The following HDAC9 variants were observed in gnomAD, a reference collection of about 807,000 sequenced individuals.
HDAC9 encodes MEF-2 interacting transcription repressor (MITR) protein.
Under a neutral mutation model 139.4 loss-of-function variants are expected in HDAC9, and 41 were observed. The observed-to-expected ratio is 0.29, with a 90% confidence interval of 0.23 to 0.38. The LOEUF (loss-of-function observed/expected upper bound fraction) is 0.38, where lower values mean the gene tolerates loss of function less well. Ranked by LOEUF, HDAC9 falls within the 10% of genes least tolerant of loss-of-function variation. The pLI is 1.00. For missense variants in HDAC9, 1,147 were observed against 1,297.0 expected, an observed-to-expected ratio of 0.88 and a Z score of 1.78; for synonymous variants, 517 against 476.2, an observed-to-expected ratio of 1.09 and a Z score of -1.12.
Position 18,204,199 on chromosome 7 carries a change from C to T in HDAC9, c.25+41850C>T, listed in dbSNP as rs913258512. On this transcript the variant is annotated intron_variant, in intron 2 of 12. Transcript: ENST00000417496. Reference sequence around the variant, plus strand: ...TTAAGATATTCCATTATATTTATGACGTTATGAGATTCCTTCAGGAGTGGT... The same window carrying T: ...TTAAGATATTCCATTATATTTATGATGTTATGAGATTCCTTCAGGAGTGGT... Among the ~76,000 whole-genome samples, 9 of 151,940 alleles carry T rather than the reference C, an allele frequency of 5.9e-5. No homozygotes were observed. In the South Asian group the frequency reaches 6.2e-4, roughly 11 times the overall value.
intron 16 of HDAC9, among the ~76,000 whole-genome samples, chr7:18,786,633 CCTTCCTTTCT>C (rs1585035791): frequency 1.7e-5 from 2 of 116,996 alleles, no homozygotes; most frequent in Admixed American, 8.2e-5. Context: ...CTCCCTCCTT[CCTTCCTTTCT>C]TCCCTCCTTC....
chr7:18,274,964 C>T (rs1022003822), intron 2 of HDAC9, among the ~76,000 whole-genome samples: 8 of 152,290 alleles, frequency 5.3e-5, no homozygotes, highest in African/African-American at 1.4e-4. Context: ...GGGATGGGGG[C>T]TGTGAATGCC....
At chr7:18,770,053 A>G (rs1790157307) in intron 16 of HDAC9, among the ~76,000 whole-genome samples, 1 of 152,136 alleles carries the variant, frequency 6.6e-6, no homozygotes, top group Non-Finnish European at 1.5e-5. Flanking sequence ...TGAGGACCCT[A>G]CCTGGGACAT....
At chr7:18,243,115 A>T (rs886319207) in intron 2 of HDAC9, among the ~76,000 whole-genome samples, 3 of 152,200 alleles carry the variant, frequency 2.0e-5, no homozygotes, top group Non-Finnish European at 4.4e-5. Context: ...TATTTCATGC[A>T]TTCATTCACA....
intron 2 of HDAC9, among the ~76,000 whole-genome samples, chr7:18,200,338 A>G (rs1364535171): frequency 1.3e-5 from 2 of 152,152 alleles, no homozygotes; most frequent in East Asian, 3.9e-4. Context: ...ATAAACCTCC[A>G]TTTGGAGCCA....
At chr7:18,651,764 G>A (rs1419014123) in intron 11 of HDAC9, among the ~76,000 whole-genome samples, 1 of 151,940 alleles carries the variant, frequency 6.6e-6, no homozygotes, top group East Asian at 1.9e-4. Context: ...TCATATTTGG[G>A]ATATTTGTGG....
At chr7:18,256,801 A>G (rs1366002577) in intron 2 of HDAC9, among the ~76,000 whole-genome samples, 1 of 152,102 alleles carries the variant, frequency 6.6e-6, no homozygotes. Flanking sequence ...AAAATACATA[A>G]ATGTGGCTGG....
intron 1 of HDAC9, among the ~76,000 whole-genome samples, chr7:18,422,400 G>A (rs1562970926): frequency 6.6e-6 from 1 of 152,302 alleles, no homozygotes; most frequent in African/African-American, 2.4e-5. Context: ...ATATTGTCAG[G>A]TGAGGTAGCC....
At chr7:18,161,128 T>C (rs1787600694) in intron 1 of HDAC9, among the ~76,000 whole-genome samples, 1 of 152,216 alleles carries the variant, frequency 6.6e-6, no homozygotes, top group Admixed American at 6.5e-5. Flanking sequence ...TAAATCTTAA[T>C]ACTTATTGAG....
At chr7:18,471,022 T>TA (rs1440743606) in intron 1 of HDAC9, among the ~76,000 whole-genome samples, 1 of 152,074 alleles carries the variant, frequency 6.6e-6, no homozygotes, top group Non-Finnish European at 1.5e-5. Flanking sequence ...TTTTTTTTTA[T>TA]TTTGAACTAT....
At chr7:18,786,654 T>TCCCTCCC (rs1791821150) in intron 16 of HDAC9, among the ~76,000 whole-genome samples, 2 of 51,248 alleles carry the variant, frequency 3.9e-5, no homozygotes, top group Non-Finnish European at 1.1e-4. Flanking sequence ...TCCCTCCTTC[T>TCCCTCCC]TTCCTCCCTT....
chr7:18,457,234 C>G (rs1793424735), intron 1 of HDAC9, among the ~76,000 whole-genome samples: 1 of 152,154 alleles, frequency 6.6e-6, no homozygotes, highest in African/African-American at 2.4e-5. Context: ...GCATGCAGTT[C>G]TGCTCCCATT....
At chr7:18,685,881 A>C (rs749181074) in intron 12 of HDAC9, among the ~76,000 whole-genome samples, 13 of 151,994 alleles carry the variant, frequency 8.6e-5, no homozygotes, top group Non-Finnish European at 1.5e-4. Flanking sequence ...GCAAAATTTT[A>C]TTGTTGGTAG....
chr7:18,619,391 T>C (rs898692392), intron 6 of HDAC9, among the ~76,000 whole-genome samples: 1 of 152,204 alleles, frequency 6.6e-6, no homozygotes, highest in African/African-American at 2.4e-5. Flanking sequence ...AGCAACTGTT[T>C]ATGGAGACCC....
At chr7:18,468,105 T>C (rs2128117098) in intron 1 of HDAC9, among the ~76,000 whole-genome samples, 1 of 152,334 alleles carries the variant, frequency 6.6e-6, no homozygotes, top group South Asian at 2.1e-4. Context: ...TGATGTGAAC[T>C]TTGACCACTT....
At chr7:18,208,231 C>G (rs1238194551) in intron 2 of HDAC9, among the ~76,000 whole-genome samples, 1 of 152,076 alleles carries the variant, frequency 6.6e-6, no homozygotes, top group Non-Finnish European at 1.5e-5. Context: ...AGATGACCAC[C>G]TTTCACATTT....
chr7:18,265,630 T>TA (rs1438945692), intron 2 of HDAC9, among the ~76,000 whole-genome samples: 3 of 151,992 alleles, frequency 2.0e-5, no homozygotes, highest in African/African-American at 7.2e-5. Context: ...TTTAAATAAA[T>TA]AAATAAATAA....
At position 18,605,919 on chromosome 7, in the gene HDAC9, A is replaced by G. The variant is rs374909147; in HGVS notation, c.664+11890A>G. ...ATGGTCTCCATCTCCTGACCTTGTG[A>G]TCTGCCCACCTCGGCCTCCGAAAGT... is the stretch of plus-strand genomic sequence containing the variant. On this transcript the variant is annotated intron_variant, in intron 6 of 25. Coordinates refer to ENST00000686413, the MANE Select transcript of HDAC9 (RefSeq NM_178425.4). Among the ~76,000 whole-genome samples, 28 of 152,166 alleles carry G rather than the reference A, an allele frequency of 1.8e-4. 2 individuals carry two copies. The highest frequency in any genetic ancestry group is 6.7e-4 in the African/African-American group (28 of 41,488).
chr7:18,694,429 G>A (rs994922521), intron 12 of HDAC9, among the ~76,000 whole-genome samples: 2 of 152,026 alleles, frequency 1.3e-5, no homozygotes, highest in Admixed American at 6.6e-5. Context: ...TCTTCTTAAC[G>A]TAATGAGATA....
Sources: gnomAD v4.1 joint callset for allele counts (sites outside exome capture counted in the v4.1 genomes callset) on GRCh38, gnomAD v4.1.1 for gene constraint, MANE v1.5 for transcripts, NCBI Gene and HGNC (gene_info 2026-07-23, HGNC 2026-07-21) for gene names.